Variants in KAZN observed in about 807,000 individuals in gnomAD.
The protein encoded by KAZN is kazrin, periplakin interacting protein.
Under a neutral mutation model 87.4 loss-of-function variants are expected in KAZN, and 40 were observed. The ratio of observed to expected loss-of-function variants is 0.46; its 90% CI spans 0.36 to 0.60. The LOEUF is 0.60. KAZN is among the 20% of genes least tolerant of loss of function. The probability of loss-of-function intolerance (pLI) is 0.00; values close to 1 mark genes in which losing one functional copy is unlikely to be tolerated. For missense variants in KAZN, 898 were observed against 1,073.9 expected, an observed-to-expected ratio of 0.84 and a Z score of 2.29; for synonymous variants, 466 against 458.3, an observed-to-expected ratio of 1.02 and a Z score of -0.22.
intron 1 of KAZN, among the ~76,000 whole-genome samples, chr1:14,081,294 G>A (rs537314028): frequency 1.3e-5 from 2 of 152,150 alleles, no homozygotes; most frequent in South Asian, 4.2e-4. Flanking sequence ...GTTGAAGATG[G>A]CCGTGAACTG....
chr1:14,896,352 C>CA lies in KAZN; in HGVS notation c.227-64326dup, dbSNP rs1655278689. 2.0e-5 allele frequency among the ~76,000 whole-genome samples: 3 copies of CA among 152,220 alleles called. No individual in the cohort carries two copies. In the South Asian group the frequency reaches 6.2e-4, roughly 32 times the overall value. Reference sequence around the variant, plus strand: ...ACAGGCGTGAGCCACTGCGCCCAGCCAAAAAAGATGCCTTTTTAAAAGACG... The same window carrying CA: ...ACAGGCGTGAGCCACTGCGCCCAGCCAAAAAAAGATGCCTTTTTAAAAGACG... On this transcript the variant is annotated intron_variant, in intron 1 of 14. Coordinates refer to ENST00000376030, the MANE Select transcript of KAZN (RefSeq NM_201628.3).
intron 1 of KAZN, among the ~76,000 whole-genome samples, chr1:14,745,943 C>T (rs1344737642): frequency 1.3e-5 from 2 of 152,092 alleles, no homozygotes; most frequent in East Asian, 1.9e-4. Flanking sequence ...TTGGCATCCC[C>T]GGGGTAAATT....
chr1:14,086,036 T>A (rs1643843075), intron 1 of KAZN, among the ~76,000 whole-genome samples: 1 of 152,214 alleles, frequency 6.6e-6, no homozygotes, highest in Non-Finnish European at 1.5e-5. Flanking sequence ...TTATTTGCCA[T>A]CCTCTTAAAT....
chr1:14,838,445 C>G (rs1647537249), intron 1 of KAZN, among the ~76,000 whole-genome samples: 2 of 152,204 alleles, frequency 1.3e-5, no homozygotes, highest in South Asian at 2.1e-4. Context: ...AAGTCCAAAC[C>G]TCAGCTGGGA....
At chr1:14,527,211 A>G (rs1408055866) in intron 2 of KAZN, among the ~76,000 whole-genome samples, 2 of 152,098 alleles carry the variant, frequency 1.3e-5, no homozygotes, top group Non-Finnish European at 2.9e-5. Flanking sequence ...GTCTTAGTCT[A>G]TTTGTGTTGC....
chr1:14,895,712 T>C (rs1447296888), intron 1 of KAZN, among the ~76,000 whole-genome samples: 1 of 152,218 alleles, frequency 6.6e-6, no homozygotes, highest in Non-Finnish European at 1.5e-5. Flanking sequence ...TGCTAAGTTC[T>C]GCAAAAGATA....
At chr1:14,477,370 C>T (rs991202184) in intron 2 of KAZN, among the ~76,000 whole-genome samples, 3 of 151,482 alleles carry the variant, frequency 2.0e-5, no homozygotes, top group East Asian at 1.9e-4. Context: ...GCTTCGGGTA[C>T]GTCTTTATCA....
chr1:14,008,922 T>C (rs12406730), intron 1 of KAZN, among the ~76,000 whole-genome samples: 30,344 of 152,144 alleles, frequency 0.2, 3,286 homozygotes, highest in African/African-American at 0.26. Flanking sequence ...TCTTTTCATC[T>C]TGTAAAATGG....
chr1:14,501,389 A>G (rs1292304557), intron 2 of KAZN, among the ~76,000 whole-genome samples: 1 of 152,186 alleles, frequency 6.6e-6, no homozygotes, highest in Non-Finnish European at 1.5e-5. Flanking sequence ...CAAAACCATC[A>G]GAATTAACAA....
At chr1:14,190,415 G>A (rs1459783453) in intron 2 of KAZN, among the ~76,000 whole-genome samples, 1 of 152,100 alleles carries the variant, frequency 6.6e-6, no homozygotes, top group African/African-American at 2.4e-5. Flanking sequence ...GGCCCAAAGA[G>A]GAAATTTATT....
intron 1 of KAZN, among the ~76,000 whole-genome samples, chr1:14,851,619 G>T (rs918992659): frequency 6.6e-6 from 1 of 152,348 alleles, no homozygotes; most frequent in African/African-American, 2.4e-5. Flanking sequence ...GGCCTTCGGG[G>T]TTACCATGCT....
chr1:14,217,014 A>T (rs998976543), intron 2 of KAZN, among the ~76,000 whole-genome samples: 2 of 152,194 alleles, frequency 1.3e-5, no homozygotes, highest in Non-Finnish European at 1.5e-5. Context: ...TTGTGTTGAA[A>T]CTAATTGCCA....
At chr1:14,382,130 T>A (rs1661415677) in intron 2 of KAZN, among the ~76,000 whole-genome samples, 1 of 151,992 alleles carries the variant, frequency 6.6e-6, no homozygotes, top group African/African-American at 2.4e-5. Context: ...ATCTCTACAA[T>A]GAAAACTATA....
chr1:14,479,467 C>T (rs1238614619), intron 2 of KAZN, among the ~76,000 whole-genome samples: 1 of 152,216 alleles, frequency 6.6e-6, no homozygotes, highest in African/African-American at 2.4e-5. Flanking sequence ...TGCAACCTCA[C>T]TTGTGGCCGC....
chr1:14,712,802 T>G (rs147868401), intron 1 of KAZN, among the ~76,000 whole-genome samples: 3,037 of 152,202 alleles, frequency 0.02, 43 homozygotes, highest in South Asian at 0.063. Context: ...AAGCCATAGG[T>G]AAAAACCAAC....
At chr1:14,026,121 T>A (rs746991480) in intron 1 of KAZN, among the ~76,000 whole-genome samples, 3 of 152,146 alleles carry the variant, frequency 2.0e-5, no homozygotes, top group Non-Finnish European at 2.9e-5. Flanking sequence ...GCTTTAGAGA[T>A]GAAGAATGAT....
chr1:14,900,006 G>A (rs889910856), intron 1 of KAZN, among the ~76,000 whole-genome samples: 1 of 152,114 alleles, frequency 6.6e-6, no homozygotes, highest in Non-Finnish European at 1.5e-5. Context: ...CCGGCCCTGT[G>A]GCTGCTTTCA....
chr1:14,157,139 T>C (rs1395859193), intron 1 of KAZN, among the ~76,000 whole-genome samples: 1 of 152,192 alleles, frequency 6.6e-6, no homozygotes, highest in Non-Finnish European at 1.5e-5. Context: ...ATGCTTTAAC[T>C]TCATCCCTTC....
intron 2 of KAZN, among the ~76,000 whole-genome samples, chr1:14,354,587 A>C (rs1389409589): frequency 1.3e-5 from 2 of 151,978 alleles, no homozygotes; most frequent in African/African-American, 4.8e-5. Context: ...CATCAGGAAA[A>C]TTCCAAATTA....
Sources: gnomAD v4.1 joint callset for allele counts (sites outside exome capture counted in the v4.1 genomes callset) on GRCh38, gnomAD v4.1.1 for gene constraint, MANE v1.5 for transcripts, NCBI Gene and HGNC (gene_info 2026-07-23, HGNC 2026-07-21) for gene names.